PARL: variants seen among roughly 807,000 people sequenced by gnomAD.
The protein encoded by PARL is presenilin associated rhomboid like.
Under a neutral mutation model 51.6 loss-of-function variants are expected in PARL, and 44 were observed. That is an observed-to-expected ratio of 0.85 (90% CI 0.67 to 1.10). The LOEUF (loss-of-function observed/expected upper bound fraction) is 1.10, where lower values mean the gene tolerates loss of function less well. Ranked by LOEUF, PARL falls within the 50% of genes least tolerant of loss-of-function variation. The probability of loss-of-function intolerance (pLI) is 0.00; values close to 1 mark genes in which losing one functional copy is unlikely to be tolerated. For missense variants in PARL, 441 were observed against 469.5 expected (o/e 0.94, Z 0.56); for synonymous variants, 172 against 164.0 (o/e 1.05, Z -0.37).
At chr3:183,855,617 A>C (rs960125209) in intron 4 of PARL, among the ~76,000 whole-genome samples, 2 of 152,198 alleles carry the variant, frequency 1.3e-5, no homozygotes, top group African/African-American at 4.8e-5. Flanking sequence ...AAGTAATTAC[A>C]CAACTTATCA....
intron 1 of PARL, among the ~76,000 whole-genome samples, chr3:183,882,222 A>AAAAAAT (rs1401913573): frequency 0.026 from 1,208 of 46,072 alleles, 51 homozygotes; most frequent in South Asian, 0.04. Context: ...AAAAAAAAAA[A>AAAAAAT]ATATATATAT....
intron 3 of PARL, among the ~76,000 whole-genome samples, chr3:183,863,007 A>G (rs1342324303): frequency 6.6e-6 from 1 of 152,176 alleles, no homozygotes; most frequent in East Asian, 1.9e-4. Context: ...AGAACCAACC[A>G]CTGGATAGCT....
intron 4 of PARL, among the ~76,000 whole-genome samples, chr3:183,856,084 C>G (rs1368922462): frequency 6.6e-6 from 1 of 152,032 alleles, no homozygotes; most frequent in Non-Finnish European, 1.5e-5. Context: ...GCTGGGAACC[C>G]CTGCTTTAAA....
chr3:183,828,907 TGAC>T (rs1206006363), downstream of PARL, among the ~76,000 whole-genome samples: 2 of 152,312 alleles, frequency 1.3e-5, no homozygotes, highest in African/African-American at 2.4e-5. Context: ...AGTGAGGCTG[TGAC>T]GACGACAGCC....
intron 1 of PARL, among the ~76,000 whole-genome samples, chr3:183,872,808 C>T (rs1290447644): frequency 6.6e-6 from 1 of 152,164 alleles, no homozygotes; most frequent in African/African-American, 2.4e-5. Flanking sequence ...ATGTCAAGCA[C>T]ACCCCCTTCT....
chr3:183,842,049 G>A (rs1000322783), intron 6 of PARL, among the ~76,000 whole-genome samples: 3 of 152,070 alleles, frequency 2.0e-5, no homozygotes, highest in Admixed American at 6.6e-5. Context: ...CTTACTTAAC[G>A]CCTGTTTATC....
intron 1 of PARL, among the ~76,000 whole-genome samples, chr3:183,869,354 C>T (rs759780962): frequency 5.3e-5 from 8 of 152,004 alleles, no homozygotes; most frequent in African/African-American, 7.2e-5. Flanking sequence ...ATTATAGGCA[C>T]CCACCACCAC....
chr3:183,884,024 G>C (rs775601174), intron 1 of PARL, among the ~76,000 whole-genome samples: 5 of 152,206 alleles, frequency 3.3e-5, no homozygotes, highest in Non-Finnish European at 7.3e-5. Flanking sequence ...TTGAACAAAA[G>C]AGGAGGAAAA....
intron 7 of PARL, among the ~76,000 whole-genome samples, chr3:183,837,485 A>G (rs1446533050): frequency 3.3e-5 from 5 of 152,240 alleles, no homozygotes; most frequent in Non-Finnish European, 7.3e-5. Context: ...GTCAGCGGAA[A>G]GAAGCACCCT....
intron 1 of PARL, among the ~76,000 whole-genome samples, chr3:183,877,207 T>C (rs1733950666): frequency 6.6e-6 from 1 of 151,988 alleles, no homozygotes; most frequent in South Asian, 2.1e-4. Context: ...GGAGTGAAAC[T>C]CCATCTCGAA....
intron 4 of PARL, among the ~76,000 whole-genome samples, chr3:183,855,947 C>T (rs1163251075): frequency 1.3e-5 from 2 of 149,972 alleles, no homozygotes; most frequent in Non-Finnish European, 3.0e-5. Context: ...CAGAGCAAGA[C>T]TCTGTCTCAA....
rs1728835829 is a variant in PARL at position 183,838,015 on chromosome 3, C to T, written c.828+2555G>A. ...ATTTACAAACATATTTTAACAGTCC[C>T]ATTCAACTTTCTTTTTTTTTTTTTG... On this transcript the variant is annotated intron_variant, in intron 7 of 9. Coordinates refer to ENST00000317096, the MANE Select transcript of PARL (RefSeq NM_018622.7). 2.9e-5 allele frequency among the ~76,000 whole-genome samples: 4 copies of T among 139,606 alleles called. No individual in the cohort carries two copies. In the South Asian group the frequency reaches 9.5e-4, roughly 33 times the overall value. The allele number at this position is 139,606 out of a possible 152,430, so 91.6% of individuals were successfully genotyped here.
downstream of PARL, among the ~76,000 whole-genome samples, chr3:183,827,981 C>T (rs932145724): frequency 6.6e-5 from 10 of 152,226 alleles, no homozygotes; most frequent in South Asian, 2.1e-4. Context: ...AAGAGGCCCA[C>T]GGGCCAGGGA....
intron 4 of PARL, among the ~76,000 whole-genome samples, chr3:183,853,664 C>T (rs948334354): frequency 2.6e-5 from 4 of 152,058 alleles, no homozygotes; most frequent in Non-Finnish European, 4.4e-5. Flanking sequence ...CCAACGAGCA[C>T]GTGAAAAGAT....
intron 7 of PARL, among the ~76,000 whole-genome samples, chr3:183,839,543 C>T (rs979661811): frequency 4.6e-5 from 7 of 151,256 alleles, no homozygotes; most frequent in African/African-American, 9.7e-5. Flanking sequence ...CTCAGCCTCC[C>T]GAGTAGCTGG....
chr3:183,847,695 T>C (rs1730120215), intron 4 of PARL, among the ~76,000 whole-genome samples: 1 of 152,162 alleles, frequency 6.6e-6, no homozygotes, highest in African/African-American at 2.4e-5. Context: ...AATGGCCTTT[T>C]CAAGTCTGAA....
At chr3:183,855,024 T>G (rs1467686937) in intron 4 of PARL, among the ~76,000 whole-genome samples, 1 of 152,214 alleles carries the variant, frequency 6.6e-6, no homozygotes, top group East Asian at 1.9e-4. Context: ...AAAAACATTA[T>G]GCTAAGTGAA....
intron 9 of PARL, among the ~76,000 whole-genome samples, chr3:183,832,910 AGAT>A (rs1174128177): frequency 6.6e-6 from 1 of 152,212 alleles, no homozygotes; most frequent in South Asian, 2.1e-4. Flanking sequence ...GGCCTGGGGA[AGAT>A]GATGTCTGAG....
rs770125659 is a variant in PARL, at chr3:183,867,892, G to A, written c.294C>T (p.Leu98=). The change falls in exon 2 of 10, where the codon CTC becomes CTT. Residue 98 remains leucine, a synonymous_variant. Coordinates refer to ENST00000317096, the MANE Select transcript of PARL (RefSeq NM_018622.7). ...FYPSPYPIRS[L]IKPLFFTVGF... is the part of the protein sequence containing the mutation. Reference sequence around the variant, plus strand: ...CAACAGTAAAAAATAAAGGTTTTATGAGACTCCTTATAGGATAGGGAGAAG... The same window carrying A: ...CAACAGTAAAAAATAAAGGTTTTATAAGACTCCTTATAGGATAGGGAGAAG... The A allele has an allele frequency of 6.2e-7, 1 of 1,613,254 alleles. No homozygotes were observed. Among genetic ancestry groups the A allele is most frequent in the South Asian group, 1.1e-5 (1 of 91,050 alleles).
Sources: allele counts gnomAD v4.1 joint callset (sites outside exome capture counted in the v4.1 genomes callset), GRCh38; gene constraint gnomAD v4.1.1; transcripts MANE v1.5; gene names NCBI Gene and HGNC (gene_info 2026-07-23, HGNC 2026-07-21).